Variants in ZNF385D observed in about 807,000 individuals in gnomAD.
ZNF385D encodes zinc finger protein 659.
Under a neutral mutation model 35.8 loss-of-function variants are expected in ZNF385D, and 15 were observed. That is an observed-to-expected ratio of 0.42 (90% CI 0.28 to 0.64). The LOEUF (loss-of-function observed/expected upper bound fraction) is 0.64. ZNF385D is among the 30% of genes least tolerant of loss of function. The probability of loss-of-function intolerance (pLI) is 0.23; values close to 1 mark genes in which losing one functional copy is unlikely to be tolerated. For missense variants in ZNF385D, 474 were observed against 494.6 expected (o/e 0.96, Z 0.39); for synonymous variants, 212 against 186.8 (o/e 1.13, Z -1.10).
In ZNF385D at chr3:21,960,566, C is replaced by T. The variant is rs536916835; in HGVS notation, c.325+208251G>A. Among the ~76,000 whole-genome samples, 11 of 152,144 alleles carry T rather than the reference C, an allele frequency of 7.2e-5. No homozygotes were observed. In the South Asian group the frequency reaches 2.3e-3, roughly 32 times the overall value. On this transcript the variant is annotated intron_variant, in intron 3 of 5. Transcript: ENST00000494108. ...ACTAAAAATAAAACTACCATAAGAT[C>T]CAGCAATCCCACTACTGGTTATTTA... is the stretch of plus-strand genomic sequence containing the variant.
At chr3:22,298,860 G>A (rs956927922) in intron 2 of ZNF385D, among the ~76,000 whole-genome samples, 2 of 151,724 alleles carry the variant, frequency 1.3e-5, no homozygotes, top group African/African-American at 2.4e-5. Flanking sequence ...ATGGACTTGT[G>A]CTCTTTTATT....
At chr3:22,272,214 C>G (rs557534690) in intron 2 of ZNF385D, among the ~76,000 whole-genome samples, 83 of 152,168 alleles carry the variant, frequency 5.5e-4, no homozygotes, top group African/African-American at 1.9e-3. Flanking sequence ...TCACATTCAG[C>G]TATCCTGACC....
chr3:21,782,494 A>C (rs2071531765), intron 3 of ZNF385D, among the ~76,000 whole-genome samples: 2 of 152,058 alleles, frequency 1.3e-5, no homozygotes, highest in Non-Finnish European at 2.9e-5. Context: ...CTAGAATTTG[A>C]TCATTTTAAT....
intron 3 of ZNF385D, among the ~76,000 whole-genome samples, chr3:21,962,369 A>G (rs1702646010): frequency 6.6e-6 from 1 of 152,126 alleles, no homozygotes; most frequent in Non-Finnish European, 1.5e-5. Flanking sequence ...CCCTGCAAAG[A>G]CATCTCTGCA....
intron 3 of ZNF385D, among the ~76,000 whole-genome samples, chr3:21,917,602 G>T (rs1178991194): frequency 6.6e-6 from 1 of 152,134 alleles, no homozygotes; most frequent in Non-Finnish European, 1.5e-5. Flanking sequence ...GCTGTGCTTT[G>T]GTTGACTATA....
chr3:21,893,537 AAAC>A (rs1559730276), intron 3 of ZNF385D, among the ~76,000 whole-genome samples: 1 of 152,186 alleles, frequency 6.6e-6, no homozygotes, highest in Non-Finnish European at 1.5e-5. Context: ...TGTGAAATAT[AAAC>A]CTCTAAGCAC....
intron 3 of ZNF385D, chr3:22,133,898 A>G (rs964817500): frequency 1.3e-5 from 2 of 151,170 alleles, no homozygotes; most frequent in Non-Finnish European, 2.9e-5. Flanking sequence ...GTGACAGATA[A>G]TATTGCCAGA....
intron 2 of ZNF385D, among the ~76,000 whole-genome samples, chr3:22,344,575 T>G (rs1695570701): frequency 1.3e-5 from 2 of 151,482 alleles, no homozygotes; most frequent in South Asian, 2.1e-4. Flanking sequence ...TTTTCTTTGT[T>G]TTTTTGTTTT....
intron 2 of ZNF385D, among the ~76,000 whole-genome samples, chr3:22,249,088 C>T (rs1165091225): frequency 6.6e-6 from 1 of 152,104 alleles, no homozygotes; most frequent in Non-Finnish European, 1.5e-5. Flanking sequence ...CTACCCACTT[C>T]CAGCCATTCA....
chr3:22,201,947 A>G (rs1696825797), intron 2 of ZNF385D, among the ~76,000 whole-genome samples: 1 of 152,022 alleles, frequency 6.6e-6, no homozygotes, highest in Admixed American at 6.6e-5. Context: ...AAGATCAACA[A>G]GAAAAAATTG....
intron 2 of ZNF385D, among the ~76,000 whole-genome samples, chr3:21,625,895 T>C (rs73819365): frequency 0.017 from 2,525 of 152,196 alleles, 63 homozygotes; most frequent in African/African-American, 0.058. Context: ...GATTTGAAAT[T>C]ATCATTCAAA....
intron 4 of ZNF385D, among the ~76,000 whole-genome samples, chr3:21,449,015 T>C (rs1163534995): frequency 6.6e-6 from 1 of 152,180 alleles, no homozygotes; most frequent in East Asian, 1.9e-4. Flanking sequence ...CAATTTTTAT[T>C]TTCTTAGGCT....
At chr3:22,292,824 T>C (rs1447346175) in intron 2 of ZNF385D, among the ~76,000 whole-genome samples, 1 of 152,090 alleles carries the variant, frequency 6.6e-6, no homozygotes, top group Admixed American at 6.6e-5. Context: ...GGGGCAAAAT[T>C]CTATAGTGAC....
chr3:22,286,586 A>T (rs1056064078), intron 2 of ZNF385D, among the ~76,000 whole-genome samples: 2 of 152,060 alleles, frequency 1.3e-5, no homozygotes, highest in South Asian at 2.1e-4. Flanking sequence ...GCATAAGGCG[A>T]TATGTGGTGT....
intron 4 of ZNF385D, among the ~76,000 whole-genome samples, chr3:21,494,192 A>AT (rs1031651413): frequency 7.2e-4 from 110 of 152,286 alleles, no homozygotes; most frequent in African/African-American, 2.5e-3. Flanking sequence ...TAATAGCATG[A>AT]TTTTTATTAA....
intron 4 of ZNF385D, among the ~76,000 whole-genome samples, chr3:21,457,948 C>T (rs1387599016): frequency 6.6e-6 from 1 of 151,998 alleles, no homozygotes; most frequent in Non-Finnish European, 1.5e-5. Flanking sequence ...ATTGTCAAGC[C>T]CTTGTTTTAT....
At chr3:22,087,384 A>G (rs1227263547) in intron 3 of ZNF385D, among the ~76,000 whole-genome samples, 5 of 152,318 alleles carry the variant, frequency 3.3e-5, no homozygotes, top group Middle Eastern at 3.4e-3. Flanking sequence ...AGTCTCCCTT[A>G]AAAACATATA....
intron 3 of ZNF385D, among the ~76,000 whole-genome samples, chr3:21,914,018 G>T (rs1410635995): frequency 6.6e-6 from 1 of 151,578 alleles, no homozygotes; most frequent in African/African-American, 2.4e-5. Flanking sequence ...GCTCATGCTT[G>T]TGAGGCAGCT....
intron 4 of ZNF385D, among the ~76,000 whole-genome samples, chr3:21,502,925 T>C (rs1706497962): frequency 6.6e-6 from 1 of 152,206 alleles, no homozygotes; most frequent in Non-Finnish European, 1.5e-5. Context: ...AGTGGGTCTT[T>C]TATCATGACA....
Sources: gnomAD v4.1 joint callset for allele counts (sites outside exome capture counted in the v4.1 genomes callset) on GRCh38, gnomAD v4.1.1 for gene constraint, MANE v1.5 for transcripts, NCBI Gene and HGNC (gene_info 2026-07-23, HGNC 2026-07-21) for gene names.